Variants in KIF2A observed in about 807,000 individuals in gnomAD.
The protein encoded by KIF2A is kinesin-like protein KIF2A.
In KIF2A, 22 loss-of-function variants were observed where a neutral mutation model predicts 100.2. The observed-to-expected ratio is 0.22, with a 90% CI of 0.16 to 0.31. KIF2A has a LOEUF of 0.31. Among genes scored for constraint, KIF2A ranks in the 10% least tolerant of loss-of-function variants. The pLI is 1.00. For missense variants in KIF2A, 495 were observed against 898.7 expected, an observed-to-expected ratio of 0.55 and a Z score of 5.74; for synonymous variants, 268 against 285.9, an observed-to-expected ratio of 0.94 and a Z score of 0.63.
intron 18 of KIF2A, among the ~76,000 whole-genome samples, chr5:62,374,901 T>C (rs1305074083): frequency 6.6e-6 from 1 of 152,156 alleles, no homozygotes; most frequent in Non-Finnish European, 1.5e-5. Context: ...CACTCCAGTC[T>C]GGGCATCAGA....
chr5:62,318,819 A>G (rs1301624184), intron 1 of KIF2A, among the ~76,000 whole-genome samples: 1 of 152,172 alleles, frequency 6.6e-6, no homozygotes, highest in Non-Finnish European at 1.5e-5. Flanking sequence ...TACTGTTCGT[A>G]TATGTCATGG....
At chr5:62,337,986 C>T (rs1488594327) in intron 1 of KIF2A, among the ~76,000 whole-genome samples, 1 of 151,992 alleles carries the variant, frequency 6.6e-6, no homozygotes, top group African/African-American at 2.4e-5. Context: ...CAAGCTGATT[C>T]TAAAGTTTAT....
chr5:62,315,581 T>C (rs905288148), intron 1 of KIF2A, among the ~76,000 whole-genome samples: 4 of 152,138 alleles, frequency 2.6e-5, no homozygotes, highest in African/African-American at 7.2e-5. Flanking sequence ...AGTCCCTGAC[T>C]GGAAACAAAG....
At chr5:62,314,606 T>G (rs1381125154) in intron 1 of KIF2A, among the ~76,000 whole-genome samples, 1 of 152,148 alleles carries the variant, frequency 6.6e-6, no homozygotes, top group Admixed American at 6.6e-5. Flanking sequence ...CCCTGGGCTA[T>G]GTTTTATTTA....
intron 1 of KIF2A, among the ~76,000 whole-genome samples, chr5:62,314,266 A>T (rs1745696976): frequency 6.6e-6 from 1 of 152,194 alleles, no homozygotes; most frequent in Middle Eastern, 3.4e-3. Flanking sequence ...CAGGAGTTGG[A>T]TACCAGCCTG....
rs1337086696 is a variant in KIF2A at position 62,390,901 on chromosome 5, AACGGGCCCGTTTGTC to A, written c.*5335_*5349del. The stretch of plus-strand genomic sequence containing the variant: ...CTGATGAAGTCATCTATGTCCATGG[AACGGGCCCGTTTGTC>A]ACTAAAACCTGTGCTGGTTAGGATT... On this transcript the variant is annotated 3_prime_UTR_variant, in exon 21 of 21. Transcript: ENST00000407818. 1.2e-6 allele frequency: 2 copies of A among 1,612,038 alleles called. No homozygotes were observed. The highest frequency in any genetic ancestry group is 3.3e-5 in the Admixed American group (2 of 60,000).
At position 62,306,467 on chromosome 5, in the gene KIF2A, G is replaced by A; in HGVS notation, c.-6G>A. 6.5e-7 allele frequency: 1 copy of A among 1,543,226 alleles called. No homozygotes were observed. The highest frequency in any genetic ancestry group is 8.7e-7 in the Non-Finnish European group (1 of 1,143,636). On this transcript the variant is annotated 5_prime_UTR_variant, in exon 1 of 21. The change abolishes an upstream ATG in the 5' untranslated region. Transcript: ENST00000407818. The stretch of plus-strand genomic sequence containing the variant: ...TCGGCCCGCTGCTGCTGCTCCAGAT[G>A]AGGTGATGGCAACGGCCAACTTCGG...
Position 62,348,054 on chromosome 5 carries a change from C to A in KIF2A, c.166C>A (p.Leu56Met), listed in dbSNP as rs751337612. 2 of 1,613,526 alleles carry A rather than the reference C, an allele frequency of 1.2e-6. No homozygotes were observed. The highest frequency in any genetic ancestry group is 4.5e-5 in the East Asian group (2 of 44,864). Residue 56 changes from leucine (L) to methionine (M), a missense_variant, in exon 3 of 21, where the codon CTG (leucine) becomes ATG (methionine). This residue lies in a region of KIF2A where 115 missense variants were observed against 143.6 expected (regional missense o/e 0.80). Coordinates refer to ENST00000407818, the MANE Select transcript of KIF2A (RefSeq NM_001098511.3). Reference sequence around the variant, plus strand: ...GTGTATGTGTTGTGAACAGATTGACCTGGAGAGCATCTTTTCACTTAACCC... The same window carrying A: ...GTGTATGTGTTGTGAACAGATTGACATGGAGAGCATCTTTTCACTTAACCC... ...NGDTKGKEID[L>M]ESIFSLNPDL...
At chr5:62,307,584 C>G (rs952950705) in intron 1 of KIF2A, among the ~76,000 whole-genome samples, 2 of 151,490 alleles carry the variant, frequency 1.3e-5, no homozygotes, top group Admixed American at 1.3e-4. Flanking sequence ...GTGTGATAAT[C>G]TCGAGTTGAG....
intron 1 of KIF2A, among the ~76,000 whole-genome samples, chr5:62,335,254 G>C (rs1237142033): frequency 1.3e-5 from 2 of 152,208 alleles, no homozygotes; most frequent in Non-Finnish European, 2.9e-5. Flanking sequence ...AGGGCTAGAA[G>C]ATGAGCTGCG....
At chr5:62,342,683 A>G (rs145888700) in intron 1 of KIF2A, among the ~76,000 whole-genome samples, 4 of 151,984 alleles carry the variant, frequency 2.6e-5, no homozygotes. Flanking sequence ...GTCCTGCTTC[A>G]CAGCCACTTC....
chr5:62,319,745 C>A (rs1244134438), intron 1 of KIF2A, among the ~76,000 whole-genome samples: 1 of 152,140 alleles, frequency 6.6e-6, no homozygotes, highest in Non-Finnish European at 1.5e-5. Flanking sequence ...TGTTGTTCAT[C>A]CTCCAGGCAT....
At chr5:62,381,024 A>G (rs896067455) in intron 19 of KIF2A, 94 bp from the exon 20 acceptor site, 2 of 896,804 alleles carry the variant, frequency 2.2e-6, no homozygotes, top group African/African-American at 1.7e-5. Context: ...AGAGAATACT[A>G]TCTTAAGTAT....
chr5:62,320,999 T>C (rs1344890725), intron 1 of KIF2A, among the ~76,000 whole-genome samples: 1 of 152,214 alleles, frequency 6.6e-6, no homozygotes, highest in African/African-American at 2.4e-5. Context: ...TAGATTTGTC[T>C]GTTTTGGACA....
intron 10 of KIF2A, 40 bp downstream of exon 10, chr5:62,361,372 C>T (rs1180916150): frequency 3.3e-6 from 5 of 1,492,902 alleles, no homozygotes; most frequent in African/African-American, 1.4e-5. Flanking sequence ...TACGAAGCTA[C>T]AGTTTCTTTT....
At chr5:62,380,849 G>C (rs1395917321) in intron 19 of KIF2A, among the ~76,000 whole-genome samples, 1 of 152,090 alleles carries the variant, frequency 6.6e-6, no homozygotes, top group East Asian at 1.9e-4. Flanking sequence ...AAGTGGAGGA[G>C]GTGGAAGGGA....
intron 1 of KIF2A, among the ~76,000 whole-genome samples, chr5:62,314,625 G>T (rs368416231): frequency 6.6e-6 from 1 of 152,140 alleles, no homozygotes; most frequent in African/African-American, 2.4e-5. Context: ...TACTTTTGAA[G>T]ACTTTTTCTC....
Position 62,306,406 on chromosome 5 carries a change from C to A in KIF2A, c.-67C>A. ...CTCCCCCTCCCACACCTACCCCGCC[C>A]CCTCCCCGCCTTTTCCGCCCTCCGG... On this transcript the variant is annotated 5_prime_UTR_variant, in exon 1 of 21. Transcript: ENST00000407818. 9.5e-7 allele frequency: 1 copy of A among 1,051,394 alleles called. No individual in the cohort carries two copies. Among genetic ancestry groups the A allele is most frequent in the South Asian group, 1.4e-5 (1 of 71,404 alleles). 65.1% of individuals were successfully genotyped at this position (1,051,394 alleles called of 1,614,324 possible). A position where few individuals can be genotyped will look rare whatever the true frequency, so the allele number is the denominator to read the frequency against.
At chr5:62,339,542 T>TTTTTTTTTTTTTTTTTTTGCGACGG (rs1554040419) in intron 1 of KIF2A, among the ~76,000 whole-genome samples, 3 of 148,306 alleles carry the variant, frequency 2.0e-5, no homozygotes, top group African/African-American at 7.5e-5. Context: ...CTTCTCTTAT[T>TTTTTTTTTTTTTTTTTTTGCGACGG]ATGTATCTTA....
Sources: allele counts gnomAD v4.1 joint callset (sites outside exome capture counted in the v4.1 genomes callset), GRCh38; gene constraint gnomAD v4.1.1; regional missense constraint gnomAD v4.1.1; transcripts MANE v1.5; gene names NCBI Gene and HGNC (gene_info 2026-07-23, HGNC 2026-07-21).